TMBIM6: variants seen among roughly 807,000 people sequenced by gnomAD.
TMBIM6 encodes bax inhibitor 1.
In TMBIM6, 13 loss-of-function variants were observed where a neutral mutation model predicts 31.4. That is an observed-to-expected ratio of 0.41 (90% CI 0.27 to 0.66). TMBIM6 has a LOEUF of 0.66. Ranked by LOEUF, TMBIM6 falls within the 30% of genes least tolerant of loss-of-function variation. TMBIM6 has a pLI of 0.28. For missense variants in TMBIM6, 275 were observed against 289.5 expected (o/e 0.95, Z 0.36); for synonymous variants, 85 against 101.7 (o/e 0.84, Z 0.99).
chr12:49,758,460 G>A lies in TMBIM6; in HGVS notation c.413G>A (p.Arg138His), dbSNP rs536822206. The A allele has an allele frequency of 5.0e-6, 8 of 1,614,162 alleles. No individual in the cohort carries two copies. The highest frequency in any genetic ancestry group is 2.2e-5 in the East Asian group (1 of 44,894). ...FTLSALYARR[R>H]SYLFLGGILM... ...CTCAGTGCACTCTATGCCAGGCGCCGTAGCTACCTCTTTCTGGGAGGTAAG... is the reference window on the plus strand; with the variant it reads ...CTCAGTGCACTCTATGCCAGGCGCCATAGCTACCTCTTTCTGGGAGGTAAG... The change falls in exon 6 of 10, where the codon CGT (arginine) becomes CAT (histidine). Residue 138 changes from arginine (R) to histidine (H), a missense_variant. Coordinates refer to ENST00000267115, the MANE Select transcript of TMBIM6 (RefSeq NM_003217.3).
chr12:49,749,871 A>G (rs998790582), intron 1 of TMBIM6: 1 of 152,220 alleles, frequency 6.6e-6, no homozygotes, highest in Non-Finnish European at 1.5e-5. Flanking sequence ...GTCAGGGACC[A>G]TCTGCTTTAC....
intron 3 of TMBIM6, among the ~76,000 whole-genome samples, chr12:49,754,367 C>T (rs367927301): frequency 1.9e-4 from 29 of 152,230 alleles, no homozygotes; most frequent in African/African-American, 7.0e-4. Flanking sequence ...CCGTAATGTG[C>T]CTTATGAAGA....
intron 2 of TMBIM6, 123 bp from the exon 3 acceptor site, chr12:49,752,850 T>G (rs1945519998): frequency 1.1e-6 from 1 of 937,152 alleles, no homozygotes. Context: ...CTAAAAGTAT[T>G]TCAAACTATT....
intron 9 of TMBIM6, 90 bp from the exon 10 acceptor site, chr12:49,762,782 CT>C: frequency 8.2e-7 from 1 of 1,217,380 alleles, no homozygotes; most frequent in East Asian, 2.3e-5. Flanking sequence ...GTCTGGCTCA[CT>C]TCTAGTCCCT....
chr12:49,747,767 C>T (rs1464606607), intron 1 of TMBIM6, among the ~76,000 whole-genome samples: 1 of 152,144 alleles, frequency 6.6e-6, no homozygotes, highest in African/African-American at 2.4e-5. Flanking sequence ...TGTCTTGGCT[C>T]CAGCATTGCA....
In TMBIM6 at chr12:49,763,027, C is replaced by A; in HGVS notation, c.*131C>A. ...AAAAGCTTTTGTACTTTGTGGTTTC[C>A]TCTATTTTGAATTTTTTGATCAAAA... On this transcript the variant is annotated 3_prime_UTR_variant, in exon 10 of 10. Coordinates refer to ENST00000267115, the MANE Select transcript of TMBIM6 (RefSeq NM_003217.3). The A allele has an allele frequency of 9.4e-7, 1 of 1,068,318 alleles. No homozygotes were observed. Among genetic ancestry groups the A allele is most frequent in the Non-Finnish European group, 1.3e-6 (1 of 744,140 alleles). The allele number at this position is 1,068,318 out of a possible 1,614,324, so 66.2% of individuals were successfully genotyped here. A position where few individuals can be genotyped will look rare whatever the true frequency, so the allele number is the denominator to read the frequency against.
At chr12:49,756,435 C>T (rs1403788664) in intron 4 of TMBIM6, among the ~76,000 whole-genome samples, 3 of 145,730 alleles carry the variant, frequency 2.1e-5, no homozygotes, top group African/African-American at 7.6e-5. Context: ...TACCCTGCCT[C>T]CTGGCTTTTT....
rs201023385 is a variant in TMBIM6, at chr12:49,752,390, CTTTTT to C, written c.-30-64_-30-60del. 6.9e-6 allele frequency: 6 copies of C among 872,182 alleles called. No individual in the cohort carries two copies. The South Asian group carries it at 1.0e-4, about 15-fold the overall frequency. The allele number at this position is 872,182 out of a possible 1,614,324, so 54.0% of individuals were successfully genotyped here. On this transcript the variant is annotated intron_variant, in intron 1 of 9. Transcript: ENST00000267115. ...TTCATCTTTCTGAACTTACATGTTG[CTTTTT>C]TTTTTTTTTATAAGCTGTTCGTGTG...
chr12:49,759,921 G>A (rs1374188974), intron 8 of TMBIM6, among the ~76,000 whole-genome samples: 1 of 151,608 alleles, frequency 6.6e-6, no homozygotes, highest in Non-Finnish European at 1.5e-5. Context: ...AACCATCCTG[G>A]CTAACACGGT....
chr12:49,752,206 A>G (rs771037864), intron 1 of TMBIM6, among the ~76,000 whole-genome samples: 4 of 152,216 alleles, frequency 2.6e-5, no homozygotes, highest in Non-Finnish European at 5.9e-5. Context: ...CACCTGAAAG[A>G]ATAGAAATCA....
At position 49,764,099 on chromosome 12, in the gene TMBIM6, G is replaced by A. The variant is rs757191414; in HGVS notation, c.*1203G>A. ...TCCAGAAATTTGTGGCCTTTTAGGC[G>A]GGAGTTAGGCGACCAAACCAGTGAG... On this transcript the variant is annotated 3_prime_UTR_variant, in exon 10 of 10. Coordinates refer to ENST00000267115, the MANE Select transcript of TMBIM6 (RefSeq NM_003217.3). The A allele has an allele frequency of 6.6e-6, 1 of 152,270 alleles. No individual in the cohort carries two copies. The highest frequency in any genetic ancestry group is 2.1e-4 in the South Asian group (1 of 4,828). 9.4% of individuals were successfully genotyped at this position (152,270 alleles called of 1,614,324 possible).
In TMBIM6 at chr12:49,758,398, T is replaced by C. The variant is rs750113059; in HGVS notation, c.351T>C (p.Ala117=). ...TTTCTAACAGCATCCTTCCCACTGC[T>C]TTCATGGGCACGGCAATGATCTTTA... is the stretch of plus-strand genomic sequence containing the variant. ...IAVNPSILPT[A]FMGTAMIFTC... Residue 117 remains alanine (A), a synonymous_variant, in exon 6 of 10, where the codon GCT becomes GCC. Transcript: ENST00000267115. 8 of 1,614,150 alleles carry C rather than the reference T, an allele frequency of 5.0e-6. No homozygotes were observed. Among genetic ancestry groups the C allele is most frequent in the Non-Finnish European group, 6.8e-6 (8 of 1,180,062 alleles).
chr12:49,755,944 C>A lies in TMBIM6; in HGVS notation c.286+189C>A, dbSNP rs1311916725. Among the ~76,000 whole-genome samples, 3 of 149,836 alleles carry A rather than the reference C, an allele frequency of 2.0e-5. No individual in the cohort carries two copies. The South Asian group carries it at 6.3e-4, about 31-fold the overall frequency. ...CGCCTCCCAGGTTCACACCATTCTTCTGCTTTAGCCTCCCGTGTAGGTGGG... is the reference window on the plus strand; with the variant it reads ...CGCCTCCCAGGTTCACACCATTCTTATGCTTTAGCCTCCCGTGTAGGTGGG... On this transcript the variant is annotated intron_variant, in intron 4 of 9. Transcript: ENST00000267115.
In TMBIM6 at chr12:49,764,642, C is replaced by T. The variant is rs909664850; in HGVS notation, c.*1746C>T. On this transcript the variant is annotated 3_prime_UTR_variant, in exon 10 of 10. Coordinates refer to ENST00000267115, the MANE Select transcript of TMBIM6 (RefSeq NM_003217.3). ...TAACATCTCTTGAAGCCAAACTCCA[C>T]CTTCTGTGCTTTTTGCTTGGGATAA... is the stretch of plus-strand genomic sequence containing the variant. 1.4e-5 allele frequency: 2 copies of T among 140,072 alleles called. No homozygotes were observed. The highest frequency in any genetic ancestry group is 3.0e-5 in the Non-Finnish European group (2 of 67,176). 8.7% of individuals were successfully genotyped at this position (140,072 alleles called of 1,614,324 possible). A position where few individuals can be genotyped will look rare whatever the true frequency, so the allele number is the denominator to read the frequency against.
chr12:49,752,660 A>C, intron 2 of TMBIM6, 111 bp downstream of exon 2: 2 of 922,466 alleles, frequency 2.2e-6, no homozygotes, highest in South Asian at 3.1e-5. Context: ...TAACTTGGCC[A>C]GAATCCAGAG....
In TMBIM6 at chr12:49,741,618, C is replaced by T. The variant is rs184317866; in HGVS notation, c.-31+7C>T. On this transcript the variant is annotated splice_region_variant and intron_variant, in intron 1 of 9. Coordinates refer to ENST00000267115, the MANE Select transcript of TMBIM6 (RefSeq NM_003217.3). ...GGAGAGGCGGGTTAGGAAGGTACGT[C>T]TGAACCTAGTACTGGGCGAACTGGG... 7.4e-4 allele frequency: 119 copies of T among 161,806 alleles called. 1 individual carries two copies. Among genetic ancestry groups the T allele is most frequent in the Admixed American group, 4.5e-3 (76 of 16,986 alleles). The allele number at this position is 161,806 out of a possible 1,614,324, so 10.0% of individuals were successfully genotyped here.
intron 4 of TMBIM6, 104 bp downstream of exon 4, chr12:49,755,859 A>G (rs1456961738): frequency 2.3e-6 from 3 of 1,299,314 alleles, no homozygotes; most frequent in African/African-American, 1.6e-5. Flanking sequence ...TTTGAGACAG[A>G]GTCTCGCTCT....
Position 49,742,169 on chromosome 12 carries a change from TCA to T in TMBIM6, c.-31+559_-31+560del, listed in dbSNP as rs777915549. 5 of 1,613,250 alleles carry T rather than the reference TCA, an allele frequency of 3.1e-6. No homozygotes were observed. The Admixed American group carries it at 8.3e-5, about 27-fold the overall frequency. On this transcript the variant is annotated intron_variant, in intron 1 of 9. Transcript: ENST00000267115. ...ACTCCTCTGTGACACGCGAGGCTCC[TCA>T]GTTACTTAGCCAACGGCAGAGGCGG...
intron 1 of TMBIM6, 92 bp from the exon 2 acceptor site, chr12:49,752,372 T>C: frequency 2.2e-6 from 2 of 927,624 alleles, no homozygotes; most frequent in Non-Finnish European, 3.2e-6. Context: ...GTTTTCATCT[T>C]TCTGAACTTA....
Sources: allele counts gnomAD v4.1 joint callset (sites outside exome capture counted in the v4.1 genomes callset), GRCh38; gene constraint gnomAD v4.1.1; transcripts MANE v1.5; gene names NCBI Gene and HGNC (gene_info 2026-07-23, HGNC 2026-07-21).